The following MEI4 variants were observed in gnomAD, a reference collection of about 807,000 sequenced individuals.
MEI4 encodes meiotic double-stranded break formation protein 4, also known as meiosis-specific protein MEI4.
A neutral mutation model predicts 31.4 loss-of-function variants in MEI4; 27 were observed. That is an observed-to-expected ratio of 0.86 (90% confidence interval 0.63 to 1.19). The LOEUF (loss-of-function observed/expected upper bound fraction) is 1.19. MEI4 is among the 50% of genes most tolerant of loss of function. The pLI is 0.00. For missense variants in MEI4, 329 were observed against 398.9 expected (o/e 0.82, Z 1.49); for synonymous variants, 122 against 145.4 (o/e 0.84, Z 1.16).
intron 4 of MEI4, among the ~76,000 whole-genome samples, chr6:77,905,733 TG>T (rs1186524303): frequency 6.6e-6 from 1 of 151,362 alleles, no homozygotes; most frequent in African/African-American, 2.4e-5. Flanking sequence ...CCTGACCTTG[TG>T]ATCTGCCCAC....
At chr6:77,657,669 C>G (rs1052450834) in intron 1 of MEI4, among the ~76,000 whole-genome samples, 1 of 152,010 alleles carries the variant, frequency 6.6e-6, no homozygotes, top group Non-Finnish European at 1.5e-5. Context: ...GAAGTCAAGA[C>G]CCCTCTGACT....
At chr6:77,729,245 A>G (rs1766908790) in intron 2 of MEI4, among the ~76,000 whole-genome samples, 1 of 152,218 alleles carries the variant, frequency 6.6e-6, no homozygotes, top group Non-Finnish European at 1.5e-5. Flanking sequence ...ATTTATGCCT[A>G]GTGTCCCATT....
chr6:77,794,760 C>T (rs1367313733), intron 3 of MEI4, among the ~76,000 whole-genome samples: 1 of 151,912 alleles, frequency 6.6e-6, no homozygotes, highest in African/African-American at 2.4e-5. Context: ...CCCAAACAGA[C>T]ATATTTCATC....
chr6:77,686,643 T>C (rs1454451464), intron 1 of MEI4, among the ~76,000 whole-genome samples: 1 of 152,122 alleles, frequency 6.6e-6, no homozygotes, highest in Admixed American at 6.6e-5. Context: ...ATATTCAGAC[T>C]GGTGACAGGT....
At chr6:77,780,205 C>T (rs576722511) in intron 3 of MEI4, among the ~76,000 whole-genome samples, 8 of 152,184 alleles carry the variant, frequency 5.3e-5, no homozygotes, top group East Asian at 3.9e-4. Flanking sequence ...TGGCTGAAGG[C>T]GGCCTAATCC....
chr6:77,710,316 G>A (rs1376333390), intron 2 of MEI4, among the ~76,000 whole-genome samples: 1 of 151,976 alleles, frequency 6.6e-6, no homozygotes, highest in Non-Finnish European at 1.5e-5. Flanking sequence ...GAGGTCAAGA[G>A]ATCAAGACCA....
At chr6:77,655,074 G>C (rs1217850673) in intron 1 of MEI4, among the ~76,000 whole-genome samples, 1 of 151,950 alleles carries the variant, frequency 6.6e-6, no homozygotes, top group Admixed American at 6.6e-5. Flanking sequence ...CCCTCTGACA[G>C]GCCCCGGTGT....
chr6:77,735,682 T>A (rs1767175193), intron 2 of MEI4, among the ~76,000 whole-genome samples: 1 of 152,128 alleles, frequency 6.6e-6, no homozygotes, highest in Non-Finnish European at 1.5e-5. Context: ...GGTGAGGAGC[T>A]GCGTTCCTTT....
chr6:77,919,764 A>G (rs1766658312), intron 4 of MEI4, among the ~76,000 whole-genome samples: 1 of 149,858 alleles, frequency 6.7e-6, no homozygotes, highest in African/African-American at 2.4e-5. Flanking sequence ...AGACTAATAA[A>G]GAAAAAAAGA....
chr6:77,920,823 C>A (rs950550302), intron 4 of MEI4, among the ~76,000 whole-genome samples: 2 of 151,852 alleles, frequency 1.3e-5, no homozygotes, highest in Non-Finnish European at 2.9e-5. Context: ...GAGCAGTAAT[C>A]TTTTGAAAGG....
At chr6:77,674,534 C>T (rs1411432629) in intron 1 of MEI4, among the ~76,000 whole-genome samples, 11 of 152,134 alleles carry the variant, frequency 7.2e-5, no homozygotes, top group Admixed American at 6.5e-4. Flanking sequence ...TAACATGCTG[C>T]ACAGGTTCGT....
chr6:77,785,685 A>G (rs929587342), intron 3 of MEI4, among the ~76,000 whole-genome samples: 2 of 152,206 alleles, frequency 1.3e-5, no homozygotes, highest in Non-Finnish European at 2.9e-5. Context: ...AGAAATTACT[A>G]GTATTTAATT....
chr6:77,824,371 A>G (rs988093773), intron 3 of MEI4, among the ~76,000 whole-genome samples: 1 of 152,190 alleles, frequency 6.6e-6, no homozygotes, highest in Non-Finnish European at 1.5e-5. Context: ...AAGTCACTAC[A>G]TATATTCTTA....
intron 1 of MEI4, among the ~76,000 whole-genome samples, chr6:77,668,788 T>C (rs1369759863): frequency 6.6e-6 from 1 of 152,210 alleles, no homozygotes; most frequent in East Asian, 1.9e-4. Flanking sequence ...TTGAAAGTAA[T>C]CATTTTCTTT....
At chr6:77,660,574 G>A (rs996013260) in intron 1 of MEI4, among the ~76,000 whole-genome samples, 1 of 152,026 alleles carries the variant, frequency 6.6e-6, no homozygotes, top group African/African-American at 2.4e-5. Context: ...CTTGGCCTAA[G>A]TGGTGGGGGT....
Position 77,864,984 on chromosome 6 carries a change from G to T in MEI4, c.900+35922G>T, listed in dbSNP as rs555633851. On this transcript the variant is annotated intron_variant, in intron 4 of 4. Coordinates refer to ENST00000684080, the MANE Select transcript of MEI4 (RefSeq NM_001322247.2). Reference sequence around the variant, plus strand: ...AACAACCTGCTCCTGAATGACTACTGGGTACATAATGAAATGAAGGCAGAA... The same window carrying T: ...AACAACCTGCTCCTGAATGACTACTTGGTACATAATGAAATGAAGGCAGAA... Among the ~76,000 whole-genome samples the T allele has an allele frequency of 2.6e-5, 4 of 152,204 alleles. No homozygotes were observed. In the South Asian group the frequency reaches 8.3e-4, roughly 32 times the overall value.
At chr6:77,693,486 T>TAAAA (rs1486483321) in intron 2 of MEI4, among the ~76,000 whole-genome samples, 10 of 152,186 alleles carry the variant, frequency 6.6e-5, no homozygotes, top group African/African-American at 2.4e-4. Context: ...CTTGTTTTTA[T>TAAAA]GCTGAACACT....
chr6:77,745,696 C>G lies in MEI4; in HGVS notation c.233-15434C>G, dbSNP rs539646448. Reference sequence around the variant, plus strand: ...TTTTCAGCACCACACCACACCTATTCCAAAATTGACCACATACTGGGAAGT... The same window carrying G: ...TTTTCAGCACCACACCACACCTATTGCAAAATTGACCACATACTGGGAAGT... On this transcript the variant is annotated intron_variant, in intron 2 of 4. Transcript: ENST00000684080. 1.6e-3 allele frequency among the ~76,000 whole-genome samples: 238 copies of G among 152,188 alleles called. 2 individuals are homozygous for G. The highest frequency in any genetic ancestry group is 5.4e-3 in the African/African-American group (224 of 41,506).
rs1216668713 is a variant in MEI4, at chr6:77,924,250, T to TAATG, written c.*906_*909dup. 2 of 151,850 alleles carry TAATG rather than the reference T, an allele frequency of 1.3e-5. No homozygotes were observed. The highest frequency in any genetic ancestry group is 4.8e-5 in the African/African-American group (2 of 41,404). The allele number at this position is 151,850 out of a possible 1,614,324, so 9.4% of individuals were successfully genotyped here. A position where few individuals can be genotyped will look rare whatever the true frequency, so the allele number is the denominator to read the frequency against. On this transcript the variant is annotated 3_prime_UTR_variant, in exon 5 of 5. Coordinates refer to ENST00000684080, the MANE Select transcript of MEI4 (RefSeq NM_001322247.2). ...AACACAAAATATAAATTTCCTTTAT[T>TAATG]AATGATATGTGATGGTGTTTCATAA...
Sources: allele counts gnomAD v4.1 joint callset (sites outside exome capture counted in the v4.1 genomes callset), GRCh38; gene constraint gnomAD v4.1.1; transcripts MANE v1.5; gene names NCBI Gene and HGNC (gene_info 2026-07-23, HGNC 2026-07-21).